PRAME: variants seen among roughly 807,000 people sequenced by gnomAD.
PRAME encodes melanoma antigen preferentially expressed in tumors.
In PRAME, 21 loss-of-function variants were observed where a neutral mutation model predicts 32.1. The observed-to-expected ratio is 0.65, with a 90% CI of 0.46 to 0.94. The LOEUF (loss-of-function observed/expected upper bound fraction) is 0.94. Among genes scored for constraint, PRAME ranks in the 40% least tolerant of loss-of-function variants. The pLI, the probability that PRAME is intolerant of heterozygous loss-of-function variation, is 0.00. For missense variants in PRAME, 651 were observed against 622.3 expected, an observed-to-expected ratio of 1.05 and a Z score of -0.49; for synonymous variants, 274 against 251.5, an observed-to-expected ratio of 1.09 and a Z score of -0.85.
chr22:22,548,804 A>G (rs1415347438), intron 5 of PRAME, among the ~76,000 whole-genome samples, 161 bp from the exon 6 acceptor site: 2 of 151,852 alleles, frequency 1.3e-5, no homozygotes, highest in African/African-American at 4.8e-5. Flanking sequence ...GTTCAGGTTT[A>G]GTCCTTTCTC....
intron 1 of PRAME, among the ~76,000 whole-genome samples, chr22:22,558,658 C>T (rs898222196): frequency 2.6e-5 from 1 of 38,076 alleles, no homozygotes; most frequent in Non-Finnish European, 5.4e-5. Context: ...AAAGGGGGTG[C>T]GGTGGGCGAA....
At chr22:22,553,710 G>A in intron 3 of PRAME, 1 of 851,456 alleles carries the variant, frequency 1.2e-6, no homozygotes, top group Non-Finnish European at 1.4e-6. Context: ...ACCAAACCTA[G>A]GACAGCAACA....
chr22:22,554,325 C>T (rs1053870242), intron 3 of PRAME: 8 of 838,492 alleles, frequency 9.5e-6, no homozygotes, highest in South Asian at 1.1e-4. Context: ...CTGTGGCCTG[C>T]GTAAGGAGGC....
chr22:22,549,039 T>C (rs1328511816), intron 5 of PRAME, among the ~76,000 whole-genome samples: 2 of 151,910 alleles, frequency 1.3e-5, no homozygotes, highest in African/African-American at 4.8e-5. Flanking sequence ...TGCCACTGCC[T>C]GGGCCCCAGT....
chr22:22,547,712 G>A lies in PRAME; in HGVS notation c.*355C>T, dbSNP rs1217185567. ...TACAAGACACCAGGTGCTTCACATTGCTTCTCTTTATTTTCAACAGTTTCT... is the reference window on the plus strand; with the variant it reads ...TACAAGACACCAGGTGCTTCACATTACTTCTCTTTATTTTCAACAGTTTCT... On this transcript the variant is annotated 3_prime_UTR_variant, in exon 6 of 6. Transcript: ENST00000405655. 3.9e-6 allele frequency: 1 copy of A among 254,810 alleles called. No homozygotes were observed. Among genetic ancestry groups the A allele is most frequent in the Non-Finnish European group, 7.4e-6 (1 of 134,466 alleles). 15.8% of individuals were successfully genotyped at this position (254,810 alleles called of 1,614,324 possible).
At chr22:22,554,719 T>C (rs566000350) in intron 3 of PRAME, among the ~76,000 whole-genome samples, 2 of 151,956 alleles carry the variant, frequency 1.3e-5, no homozygotes, top group Non-Finnish European at 2.9e-5. Context: ...GTAGCCCTTA[T>C]GTGAGGAGTT....
In PRAME at chr22:22,550,867, G is replaced by T. The variant is rs780947404; in HGVS notation, c.244C>A (p.Pro82Thr). Residue 82 changes from proline to threonine, a missense_variant, in exon 4 of 6, where the codon CCT becomes ACT. Pro to Thr is a conservative substitution (Grantham distance 38, BLOSUM62 -1). Coordinates refer to ENST00000405655, the MANE Select transcript of PRAME (RefSeq NM_206956.3). ...MVQAWPFTCL[P>T]LGVLMKGQHL... ...TGTCCCTTCATCAGCACTCCCAGAG[G>T]GAGGCAGGTGAAGGGCCAGGCCTGC... 1.9e-6 allele frequency: 3 copies of T among 1,613,772 alleles called. No homozygotes were observed. Among genetic ancestry groups the T allele is most frequent in the Admixed American group, 3.3e-5 (2 of 59,982 alleles).
intron 3 of PRAME, among the ~76,000 whole-genome samples, chr22:22,556,601 G>A (rs1006685372): frequency 1.3e-4 from 20 of 151,892 alleles, no homozygotes; most frequent in Non-Finnish European, 2.5e-4. Context: ...ATGAGCCACC[G>A]TGCCCGACCC....
chr22:22,548,752 C>G lies in PRAME; in HGVS notation c.954-109G>C, dbSNP rs16989516. On this transcript the variant is annotated intron_variant, in intron 5 of 5. Coordinates refer to ENST00000405655, the MANE Select transcript of PRAME (RefSeq NM_206956.3). ...CAAAGTCTTCCTGATGATGGTTAAC[C>G]GCCAGGATGCCATGCTGTAACGGAG... 3.0e-6 allele frequency: 3 copies of G among 992,134 alleles called. No individual in the cohort carries two copies. The East Asian group carries it at 7.4e-5, about 24-fold the overall frequency. The allele number at this position is 992,134 out of a possible 1,614,324, so 61.5% of individuals were successfully genotyped here. A position where few individuals can be genotyped will look rare whatever the true frequency, so the allele number is the denominator to read the frequency against.
Position 22,547,848 on chromosome 22 carries a change from T to TCACATTAACTC in PRAME, c.*208_*218dup. 3.4e-6 allele frequency: 2 copies of TCACATTAACTC among 583,498 alleles called. No individual in the cohort carries two copies. The highest frequency in any genetic ancestry group is 6.0e-6 in the Non-Finnish European group (2 of 331,732). The allele number at this position is 583,498 out of a possible 1,614,324, so 36.1% of individuals were successfully genotyped here. ...TCTATAAGATGTATCTCCCCAAAGA[T>TCACATTAACTC]CACATTAACTCCTCAAGTCAACATC... On this transcript the variant is annotated 3_prime_UTR_variant, in exon 6 of 6. Coordinates refer to ENST00000405655, the MANE Select transcript of PRAME (RefSeq NM_206956.3).
At position 22,549,953 on chromosome 22, in the gene PRAME, A is replaced by C. The variant is rs753282607; in HGVS notation, c.726T>G (p.Cys242Trp). ...TCGCCAAGGTGGGTAGCTTCCAGGT[A>C]CAAGTCACTTCCAAATCTTCAATAG... is the stretch of plus-strand genomic sequence containing the variant. ...LDSIEDLEVT[C>W]TWKLPTLAKF... Residue 242 changes from cysteine to tryptophan, a missense_variant, in exon 5 of 6, where the codon TGT becomes TGG. By Grantham distance (215) the Cys-to-Trp change is radical. Transcript: ENST00000405655. The C allele has an allele frequency of 1.2e-6, 2 of 1,613,904 alleles. No individual in the cohort carries two copies. The highest frequency in any genetic ancestry group is 1.7e-6 in the Non-Finnish European group (2 of 1,179,974).
chr22:22,556,403 T>C (rs1013546335), intron 3 of PRAME, among the ~76,000 whole-genome samples: 2 of 151,782 alleles, frequency 1.3e-5, no homozygotes, highest in Non-Finnish European at 2.9e-5. Context: ...CTTCGCCTCC[T>C]GGGTTCAAGC....
intron 4 of PRAME, 30 bp downstream of exon 4, chr22:22,550,737 C>T: frequency 1.1e-5 from 17 of 1,546,100 alleles, no homozygotes; most frequent in Non-Finnish European, 1.5e-5. Flanking sequence ...GTTCCCAGGG[C>T]CCCACACCAA....
chr22:22,556,165 A>C (rs149961827), intron 3 of PRAME, among the ~76,000 whole-genome samples: 3,857 of 150,850 alleles, frequency 0.026, 158 homozygotes, highest in African/African-American at 0.089. Flanking sequence ...ACGCCCAGCT[A>C]ATTTTTTTTC....
intron 5 of PRAME, among the ~76,000 whole-genome samples, chr22:22,549,017 C>T (rs968890053): frequency 3.3e-5 from 5 of 151,828 alleles, no homozygotes; most frequent in East Asian, 3.9e-4. Flanking sequence ...TCTTTCAACT[C>T]GGGCTTCCTT....
intron 3 of PRAME, among the ~76,000 whole-genome samples, chr22:22,552,045 G>A (rs958565090): frequency 6.7e-6 from 1 of 150,206 alleles, no homozygotes; most frequent in African/African-American, 2.5e-5. Flanking sequence ...CATTTTGGGA[G>A]GCCAGGGTGG....
intron 3 of PRAME, among the ~76,000 whole-genome samples, chr22:22,555,411 T>A (rs896284994): frequency 6.6e-6 from 1 of 151,908 alleles, no homozygotes; most frequent in Non-Finnish European, 1.5e-5. Context: ...TATATTTTTG[T>A]ATTTTTAGTA....
Position 22,551,005 on chromosome 22 carries a change from T to A in PRAME, c.106A>T (p.Lys36Ter), listed in dbSNP as rs2062533695. The change falls in exon 4 of 6, where the codon AAG becomes TAG. Residue 36 changes from lysine (K) to a stop codon, truncating the protein, a stop_gained. Coordinates refer to ENST00000405655, the MANE Select transcript of PRAME (RefSeq NM_206956.3). LOFTEE classifies it high-confidence loss of function. ...GCGGCAATGGCCAGGGCCTCATCCT[T>A]CAGCAGGCTCTGCCCTGCCAGCTCC... ...LVELAGQSLLKDEALAIAALE... is the reference protein window; with the variant it reads ...LVELAGQSLL 3.7e-6 allele frequency: 6 copies of A among 1,612,932 alleles called. No homozygotes were observed. The highest frequency in any genetic ancestry group is 5.1e-6 in the Non-Finnish European group (6 of 1,179,490).
chr22:22,554,576 A>AGC (rs2062789164), intron 3 of PRAME, among the ~76,000 whole-genome samples: 2 of 151,958 alleles, frequency 1.3e-5, no homozygotes, highest in South Asian at 4.2e-4. Context: ...CAAAGGCCGC[A>AGC]GCAGCTCTCA....
Sources: gnomAD v4.1 joint callset for allele counts (sites outside exome capture counted in the v4.1 genomes callset) on GRCh38, gnomAD v4.1.1 for gene constraint, MANE v1.5 for transcripts, NCBI Gene and HGNC (gene_info 2026-07-23, HGNC 2026-07-21) for gene names.